TRPV4: variants seen among roughly 807,000 people sequenced by gnomAD.
TRPV4 encodes the protein OSM9-like transient receptor potential channel 4.
TRPV4 carries 58 observed loss-of-function variants against 84.1 expected under a neutral mutation model. The observed-to-expected ratio is 0.69, with a 90% confidence interval of 0.56 to 0.86. The LOEUF is 0.86. Among genes scored for constraint, TRPV4 ranks in the 40% least tolerant of loss-of-function variants. The probability of loss-of-function intolerance (pLI) is 0.00; values close to 1 mark genes in which losing one functional copy is unlikely to be tolerated. For synonymous variants in TRPV4, 489 were observed against 500.9 expected (o/e 0.98, Z 0.32); for missense variants, 879 against 1,181.1 (o/e 0.74, Z 3.75).
chr12:109,802,841 T>A, intron 4 of TRPV4, 150 bp downstream of exon 4: 1 of 680,966 alleles, frequency 1.5e-6, no homozygotes. Flanking sequence ...CATCCATGCA[T>A]CCATCCATCC....
chr12:109,802,999 T>G lies in TRPV4; in HGVS notation c.704A>C (p.Tyr235Ser), dbSNP rs754848195. The G allele has an allele frequency of 6.2e-7, 1 of 1,613,892 alleles. No individual in the cohort carries two copies. The change falls in exon 4 of 16, where the codon TAC becomes TCC. Residue 235 changes from tyrosine (Y) to serine (S), a missense_variant. Around this residue, in one of 4 missense-constraint regions of TRPV4, gnomAD observed 521 missense variants for 686.6 expected, o/e 0.76. Transcript: ENST00000261740. ...EFINSPFRDI[Y>S]YRGQTALHIA... ...CCAGCCCGGGGCCCCACCTCGATAG[T>G]AGATGTCACGGAAGGGCGAGTTAAT... is the stretch of plus-strand genomic sequence containing the variant.
chr12:109,827,606 T>C (rs1479821179), intron 1 of TRPV4, among the ~76,000 whole-genome samples: 2 of 151,352 alleles, frequency 1.3e-5, no homozygotes, highest in Non-Finnish European at 2.9e-5. Flanking sequence ...TACACACATA[T>C]ACACATACAT....
chr12:109,824,884 C>T (rs989749127), intron 1 of TRPV4, among the ~76,000 whole-genome samples: 5 of 152,196 alleles, frequency 3.3e-5, no homozygotes, highest in African/African-American at 9.7e-5. Flanking sequence ...TGCTTTACAT[C>T]TCATCTGCCA....
intron 3 of TRPV4, among the ~76,000 whole-genome samples, chr12:109,807,957 G>C (rs1396172880): frequency 6.6e-6 from 1 of 152,202 alleles, no homozygotes; most frequent in Non-Finnish European, 1.5e-5. Flanking sequence ...CCAGTTTACA[G>C]ATGAGGAAAC....
intron 15 of TRPV4, among the ~76,000 whole-genome samples, chr12:109,784,009 T>A (rs902512497): frequency 5.9e-5 from 9 of 152,120 alleles, no homozygotes; most frequent in African/African-American, 1.9e-4. Context: ...AGTGCCTGTG[T>A]CCTCTCCAGC....
chr12:109,823,091 C>T (rs902008954), intron 1 of TRPV4, among the ~76,000 whole-genome samples: 3 of 152,274 alleles, frequency 2.0e-5, no homozygotes, highest in East Asian at 1.9e-4. Context: ...CTTGGCCAGG[C>T]GAAACCTACT....
chr12:109,802,605 T>C (rs1468369429), intron 4 of TRPV4, among the ~76,000 whole-genome samples: 1 of 89,640 alleles, frequency 1.1e-5, no homozygotes, highest in Non-Finnish European at 2.1e-5. Flanking sequence ...CCTGGCCTTC[T>C]TTTATTTTAT....
chr12:109,785,044 C>G (rs777250264), intron 14 of TRPV4, among the ~76,000 whole-genome samples: 3 of 152,058 alleles, frequency 2.0e-5, no homozygotes, highest in South Asian at 4.1e-4. Flanking sequence ...TCTTTTGAGA[C>G]AGGGTCTCAC....
chr12:109,813,518 T>C (rs908813217), intron 2 of TRPV4, among the ~76,000 whole-genome samples: 1 of 152,102 alleles, frequency 6.6e-6, no homozygotes, highest in African/African-American at 2.4e-5. Flanking sequence ...TGGCTGAGTT[T>C]GCATTTGTAT....
chr12:109,795,737 T>TTTTG (rs545111350), intron 7 of TRPV4, among the ~76,000 whole-genome samples: 53 of 152,008 alleles, frequency 3.5e-4, no homozygotes, highest in Middle Eastern at 3.4e-3. Flanking sequence ...AAGCTTGGTT[T>TTTTG]TTTGTTTGTT....
Position 109,815,011 on chromosome 12 carries a change from C to A in TRPV4, c.-31-184G>T. On this transcript the variant is annotated intron_variant, in intron 1 of 15. Coordinates refer to ENST00000261740, the MANE Select transcript of TRPV4 (RefSeq NM_021625.5). The surrounding 1 kb of genome is among the most constrained non-coding windows in gnomAD (Gnocchi z 4.1). ...CGCCAGCCTCAGGCGGGAACTGCAA[C>A]AGGAGCCTCTTTCACGAACCTGGAA... The A allele has an allele frequency of 1.6e-6, 1 of 610,552 alleles. No homozygotes were observed. The highest frequency in any genetic ancestry group is 2.9e-6 in the Non-Finnish European group (1 of 347,206). 37.8% of individuals were successfully genotyped at this position (610,552 alleles called of 1,614,324 possible).
chr12:109,815,638 G>A lies in TRPV4; in HGVS notation c.-31-811C>T, dbSNP rs935527009. On this transcript the variant is annotated intron_variant, in intron 1 of 15. Transcript: ENST00000261740. The surrounding 1 kb of genome is among the most constrained non-coding windows in gnomAD (Gnocchi z 4.1). Reference sequence around the variant, plus strand: ...AGCCCTCCCTGGCCTGCACACACTCGCTCCCAGGATCCATGCTCCTCTCCT... The same window carrying A: ...AGCCCTCCCTGGCCTGCACACACTCACTCCCAGGATCCATGCTCCTCTCCT... Among the ~76,000 whole-genome samples, 9 of 152,096 alleles carry A rather than the reference G, an allele frequency of 5.9e-5. No individual in the cohort carries two copies. The highest frequency in any genetic ancestry group is 2.6e-4 in the Admixed American group (4 of 15,268).
chr12:109,829,456 T>A (rs1379684775), intron 1 of TRPV4, among the ~76,000 whole-genome samples: 2 of 152,266 alleles, frequency 1.3e-5, no homozygotes, highest in African/African-American at 4.8e-5. Flanking sequence ...CTCATAAATA[T>A]TTCATTGCTG....
chr12:109,798,652 A>C lies in TRPV4; in HGVS notation c.1114T>G (p.Ser372Ala), dbSNP rs2136517643. 1 of 1,613,038 alleles carries C rather than the reference A, an allele frequency of 6.2e-7. No individual in the cohort carries two copies. Among genetic ancestry groups the C allele is most frequent in the Admixed American group, 1.7e-5 (1 of 60,016 alleles). ...LEAVLNNDGL[S>A]PLMMAAKTGK... ...GTCTTGGCAGCCATCATGAGGGGCG[A>C]GAGGCCGTCGTTGTTGAGCACGGCC... Residue 372 changes from serine (S) to alanine (A), a missense_variant, in exon 6 of 16, where the codon TCG becomes GCG. Coordinates refer to ENST00000261740, the MANE Select transcript of TRPV4 (RefSeq NM_021625.5). The surrounding 1 kb of genome is among the most constrained non-coding windows in gnomAD (Gnocchi z 5.0).
rs566202339 is a variant in TRPV4, at chr12:109,806,503, C to T, written c.559+1793G>A. Among the ~76,000 whole-genome samples the T allele has an allele frequency of 6.6e-5, 10 of 151,802 alleles. No individual in the cohort carries two copies. In the South Asian group the frequency reaches 1.5e-3, roughly 22 times the overall value. On this transcript the variant is annotated intron_variant, in intron 3 of 15. Transcript: ENST00000261740. ...TATAGGCATGAGCCACCGCACCCGG[C>T]CCCAGTAATTGTCTCCTGATGGACA...
rs1890151002 is a variant in TRPV4, at chr12:109,793,161, G to A, written c.1659-344C>T. 6.6e-6 allele frequency among the ~76,000 whole-genome samples: 1 copy of A among 152,190 alleles called. No homozygotes were observed. Among genetic ancestry groups the A allele is most frequent in the African/African-American group, 2.4e-5 (1 of 41,432 alleles). ...ATGTGAAAGAGGTAACACACACTCA[G>A]TAACTCTCTCATTCTCTGTCCCAGG... On this transcript the variant is annotated intron_variant, in intron 10 of 15. Coordinates refer to ENST00000261740, the MANE Select transcript of TRPV4 (RefSeq NM_021625.5). This position sits in a 1 kb window ranked among gnomAD's most constrained non-coding sequence, Gnocchi z 4.0.
Position 109,784,436 on chromosome 12 carries a change from C to T in TRPV4, c.2338G>A (p.Val780Met), listed in dbSNP as rs545217522. 1.2e-6 allele frequency: 2 copies of T among 1,614,162 alleles called. No homozygotes were observed. Among genetic ancestry groups the T allele is most frequent in the Non-Finnish European group, 1.7e-6 (2 of 1,180,012 alleles). ...GTPDRRWCFRVDEVNWSHWNQ... is the reference protein window; with the variant it reads ...GTPDRRWCFRMDEVNWSHWNQ... ...CAGTGAGACCAGTTCACCTCATCCA[C>T]CCTGGCAGGGCCCAAGCAGAGGGTC... Residue 780 changes from valine (V) to methionine (M), a missense_variant and splice_region_variant, in exon 15 of 16, where the codon GTG becomes ATG. By Grantham distance (21) the Val-to-Met change is conservative. Transcript: ENST00000261740.
intron 1 of TRPV4, among the ~76,000 whole-genome samples, chr12:109,828,678 G>A (rs562267377): frequency 4.6e-5 from 7 of 152,324 alleles, no homozygotes; most frequent in South Asian, 2.1e-4. Context: ...TGAGCCTAGC[G>A]TAGCTTTCCA....
At chr12:109,807,338 C>A (rs550226812) in intron 3 of TRPV4, among the ~76,000 whole-genome samples, 1 of 150,914 alleles carries the variant, frequency 6.6e-6, no homozygotes, top group Non-Finnish European at 1.5e-5. Context: ...AGGCTGTAGA[C>A]CAACCATGGT....
Sources: allele counts gnomAD v4.1 joint callset (sites outside exome capture counted in the v4.1 genomes callset), GRCh38; gene constraint gnomAD v4.1.1; regional missense constraint gnomAD v4.1.1; non-coding constraint Gnocchi (gnomAD v3.1); transcripts MANE v1.5; gene names NCBI Gene and HGNC (gene_info 2026-07-23, HGNC 2026-07-21).